GRAMD4: variants seen among roughly 807,000 people sequenced by gnomAD.
GRAMD4 encodes GRAM domain containing 4, also known as GRAM domain-containing protein 4.
In GRAMD4, 25 loss-of-function variants were observed where a neutral mutation model predicts 83.9. That is an observed-to-expected ratio of 0.30 (90% CI 0.22 to 0.42). The LOEUF (loss-of-function observed/expected upper bound fraction) is 0.42, where lower values mean the gene tolerates loss of function less well. GRAMD4 is among the 10% of genes least tolerant of loss of function. The probability of loss-of-function intolerance (pLI) is 1.00; values close to 1 mark genes in which losing one functional copy is unlikely to be tolerated. For synonymous variants in GRAMD4, 336 were observed against 320.9 expected, an observed-to-expected ratio of 1.05 and a Z score of -0.50; for missense variants, 593 against 788.7, an observed-to-expected ratio of 0.75 and a Z score of 2.97.
intron 1 of GRAMD4, among the ~76,000 whole-genome samples, chr22:46,584,809 G>A (rs1008163087): frequency 4.6e-5 from 7 of 152,224 alleles, no homozygotes; most frequent in African/African-American, 1.7e-4. Flanking sequence ...GGACGGGCAC[G>A]GGCTTGGCGT....
rs767680167 is a variant in GRAMD4, at chr22:46,668,081, C to A, written c.859-15C>A. On this transcript the variant is annotated splice_polypyrimidine_tract_variant and intron_variant, in intron 10 of 18. Transcript: ENST00000406902. ...TAAATTTCAGTGGAAAATTCTCTTT[C>A]CCCTTTTACTGAAGGAACCTCCAAA... 3.7e-5 allele frequency: 59 copies of A among 1,575,166 alleles called. No homozygotes were observed. In the South Asian group the frequency reaches 6.1e-4, roughly 16 times the overall value.
intron 1 of GRAMD4, among the ~76,000 whole-genome samples, chr22:46,596,116 A>G (rs996089943): frequency 3.3e-4 from 51 of 152,370 alleles, no homozygotes; most frequent in African/African-American, 1.2e-3. Flanking sequence ...GATCAGCACC[A>G]TGACGGGAGG....
intron 2 of GRAMD4, among the ~76,000 whole-genome samples, chr22:46,635,545 AGGCCGTG>A (rs2081862663): frequency 6.1e-4 from 3 of 4,952 alleles, no homozygotes; most frequent in Admixed American, 3.6e-3. Flanking sequence ...CTGTCCTGGG[AGGCCGTG>A]TCCTCCCTGC....
chr22:46,615,475 T>G (rs1205711693), upstream of GRAMD4, among the ~76,000 whole-genome samples: 127 of 94,800 alleles, frequency 1.3e-3, no homozygotes, highest in Middle Eastern at 0.012. Context: ...AGGTTCCCCC[T>G]TGTGTAGGTT....
rs1038504682 is a variant in GRAMD4 at position 46,678,690 on chromosome 22, T to C, written c.*1439T>C. The stretch of plus-strand genomic sequence containing the variant: ...TACAGCGAGCAAGCTGGTTTTCTTA[T>C]TTTTGTATCCTTTTTCAGATGTAAT... On this transcript the variant is annotated 3_prime_UTR_variant, in exon 19 of 19. Coordinates refer to ENST00000406902, the MANE Select transcript of GRAMD4 (RefSeq NM_015124.5). The C allele has an allele frequency of 2.0e-5, 20 of 985,574 alleles. No individual in the cohort carries two copies. Among genetic ancestry groups the C allele is most frequent in the East Asian group, 1.1e-4 (1 of 8,828 alleles). 61.1% of individuals were successfully genotyped at this position (985,574 alleles called of 1,614,324 possible). A position where few individuals can be genotyped will look rare whatever the true frequency, so the allele number is the denominator to read the frequency against.
At chr22:46,654,595 T>G (rs2082215692) in intron 3 of GRAMD4, among the ~76,000 whole-genome samples, 1 of 152,168 alleles carries the variant, frequency 6.6e-6, no homozygotes, top group African/African-American at 2.4e-5. Flanking sequence ...GTTTGTGGAC[T>G]GATCCCCGTG....
intron 16 of GRAMD4, 134 bp from the exon 17 acceptor site, chr22:46,675,334 T>C (rs1329023152): frequency 1.4e-6 from 1 of 714,042 alleles, no homozygotes; most frequent in Non-Finnish European, 2.6e-6. Flanking sequence ...TTTCACCGGT[T>C]CTGTGTCTGC....
intron 1 of GRAMD4, among the ~76,000 whole-genome samples, chr22:46,603,515 C>CTTTTTTTTTTTTTTTTTT (rs71192425): frequency 4.9e-4 from 40 of 81,570 alleles, no homozygotes; most frequent in African/African-American, 1.8e-3. Context: ...GGCCTCTTCT[C>CTTTTTTTTTTTTTTTTTT]TTTTTTTTTT....
chr22:46,640,741 C>T (rs975327250), intron 3 of GRAMD4, among the ~76,000 whole-genome samples: 1 of 152,064 alleles, frequency 6.6e-6, no homozygotes, highest in Non-Finnish European at 1.5e-5. Context: ...CACCACTGGC[C>T]GCAACAAGAT....
At chr22:46,599,904 A>G (rs891492119) in intron 1 of GRAMD4, among the ~76,000 whole-genome samples, 1 of 151,872 alleles carries the variant, frequency 6.6e-6, no homozygotes, top group African/African-American at 2.4e-5. Flanking sequence ...GGGACTCCTT[A>G]GTCCTGAGTC....
chr22:46,596,844 C>T (rs983479977), intron 1 of GRAMD4, among the ~76,000 whole-genome samples: 2 of 152,232 alleles, frequency 1.3e-5, no homozygotes, highest in Admixed American at 6.5e-5. Flanking sequence ...AGCCACCATG[C>T]CTGGCCCAGA....
intron 3 of GRAMD4, among the ~76,000 whole-genome samples, chr22:46,646,730 G>T (rs888271736): frequency 1.3e-5 from 2 of 152,176 alleles, no homozygotes; most frequent in Admixed American, 1.3e-4. Context: ...CAGTTTCTCT[G>T]GTGGTGAAAA....
At chr22:46,588,340 G>A (rs1033691497) in intron 1 of GRAMD4, among the ~76,000 whole-genome samples, 7 of 152,188 alleles carry the variant, frequency 4.6e-5, no homozygotes, top group South Asian at 2.1e-4. Context: ...CTGGCTGTCC[G>A]TCTTCCATCC....
chr22:46,676,558 C>T, intron 17 of GRAMD4, 42 bp from the exon 18 acceptor site: 1 of 1,530,898 alleles, frequency 6.5e-7, no homozygotes, highest in Admixed American at 2.0e-5. Flanking sequence ...CCTCCCTGTC[C>T]CCAGGAGAGA....
upstream of GRAMD4, among the ~76,000 whole-genome samples, chr22:46,618,406 G>A (rs1480177024): frequency 3.9e-5 from 6 of 152,180 alleles, no homozygotes; most frequent in Non-Finnish European, 7.3e-5. The surrounding 1 kb of genome is among the most constrained non-coding windows in gnomAD (Gnocchi z 5.8). Context: ...CGGCGCCTAG[G>A]GAATGGGGCA....
At chr22:46,587,786 T>C (rs905385778) in intron 1 of GRAMD4, 2 of 474,184 alleles carry the variant, frequency 4.2e-6, no homozygotes, top group Non-Finnish European at 5.5e-6. Flanking sequence ...TGCTGGCCCC[T>C]GGAGCCTGAC....
chr22:46,641,212 A>G (rs1421401830), intron 3 of GRAMD4, among the ~76,000 whole-genome samples: 1 of 152,114 alleles, frequency 6.6e-6, no homozygotes, highest in East Asian at 1.9e-4. Context: ...AGCTGGGATT[A>G]CAGGCACGCA....
intron 14 of GRAMD4, 28 bp downstream of exon 14, chr22:46,673,025 G>A (rs549560569): frequency 7.3e-6 from 11 of 1,512,166 alleles, no homozygotes; most frequent in East Asian, 2.4e-5. Context: ...CTGCGGGGAT[G>A]GGGGGATGGG....
At chr22:46,625,055 T>C (rs1480736520) in intron 1 of GRAMD4, among the ~76,000 whole-genome samples, 1 of 151,866 alleles carries the variant, frequency 6.6e-6, no homozygotes, top group Non-Finnish European at 1.5e-5. Flanking sequence ...AGAGATGGGG[T>C]TTCACCGTGT....
Sources: allele counts gnomAD v4.1 joint callset (sites outside exome capture counted in the v4.1 genomes callset), GRCh38; gene constraint gnomAD v4.1.1; non-coding constraint Gnocchi (gnomAD v3.1); transcripts MANE v1.5; gene names NCBI Gene and HGNC (gene_info 2026-07-23, HGNC 2026-07-21).